The following RNF170 variants were observed in gnomAD, a reference collection of about 807,000 sequenced individuals.
RNF170 encodes ring finger protein 170.
RNF170 carries 12 observed loss-of-function variants against 32.7 expected under a neutral mutation model. That is an observed-to-expected ratio of 0.37 (90% CI 0.24 to 0.60). RNF170 has a LOEUF of 0.60. Among genes scored for constraint, RNF170 ranks in the 20% least tolerant of loss-of-function variants. The pLI is 0.72. For missense variants in RNF170, 212 were observed against 311.2 expected (o/e 0.68, Z 2.40); for synonymous variants, 91 against 103.6 (o/e 0.88, Z 0.74).
chr8:42,863,481 C>A (rs545577621), intron 5 of RNF170, among the ~76,000 whole-genome samples: 1 of 152,092 alleles, frequency 6.6e-6, no homozygotes, highest in South Asian at 2.1e-4. Flanking sequence ...CTCGCTCTGT[C>A]TCCAGGCTGG....
In RNF170 at chr8:42,855,743, G is replaced by C; in HGVS notation, c.*416C>G. ...TATTTTATTGGAACAAAAATATTTA[G>C]ATGAGTTTCACAGCTATATATTATC... On this transcript the variant is annotated 3_prime_UTR_variant, in exon 7 of 7. Coordinates refer to ENST00000527424, the MANE Select transcript of RNF170 (RefSeq NM_030954.4). 1 of 1,253,870 alleles carries C rather than the reference G, an allele frequency of 8.0e-7. No homozygotes were observed. Among genetic ancestry groups the C allele is most frequent in the Non-Finnish European group, 1.0e-6 (1 of 966,718 alleles). 77.7% of individuals were successfully genotyped at this position (1,253,870 alleles called of 1,614,324 possible). A position where few individuals can be genotyped will look rare whatever the true frequency, so the allele number is the denominator to read the frequency against.
chr8:42,890,857 T>TA (rs1333081458), intron 1 of RNF170, among the ~76,000 whole-genome samples: 2 of 151,910 alleles, frequency 1.3e-5, no homozygotes, highest in African/African-American at 2.4e-5. Context: ...AAAATTGGAG[T>TA]AAAAAAGCAA....
chr8:42,895,357 T>C (rs1048283466), intron 1 of RNF170, among the ~76,000 whole-genome samples: 10 of 152,090 alleles, frequency 6.6e-5, no homozygotes, highest in African/African-American at 2.2e-4. Flanking sequence ...CTTGGCAGTT[T>C]TCAGTGCTCA....
At chr8:42,868,664 C>T (rs2128933010) in intron 4 of RNF170, among the ~76,000 whole-genome samples, 1 of 152,074 alleles carries the variant, frequency 6.6e-6, no homozygotes, top group Non-Finnish European at 1.5e-5. Context: ...ACCAGTCTGG[C>T]CAACATGGTG....
At chr8:42,874,948 G>C (rs1167155075) in intron 2 of RNF170, among the ~76,000 whole-genome samples, 3 of 152,016 alleles carry the variant, frequency 2.0e-5, no homozygotes, top group Non-Finnish European at 4.4e-5. Flanking sequence ...GAGGCCGGTG[G>C]ATCACCTGAG....
At chr8:42,896,962 C>CT, upstream of RNF170, 1 of 421,856 alleles carries the variant, frequency 2.4e-6, no homozygotes, top group South Asian at 1.2e-4. Flanking sequence ...AGGAGGGGCG[C>CT]TGGGGGTGAC....
At chr8:42,891,579 TTC>T (rs1466626402) in intron 1 of RNF170, among the ~76,000 whole-genome samples, 2 of 152,176 alleles carry the variant, frequency 1.3e-5, no homozygotes, top group Non-Finnish European at 2.9e-5. Flanking sequence ...GATATTAAAA[TTC>T]TGTTAAATGT....
chr8:42,877,050 T>C (rs914777681), intron 2 of RNF170, among the ~76,000 whole-genome samples: 7 of 148,264 alleles, frequency 4.7e-5, no homozygotes, highest in Non-Finnish European at 1.0e-4. Flanking sequence ...GTCTCCCGGG[T>C]TCATGCCATT....
downstream of RNF170, among the ~76,000 whole-genome samples, chr8:42,853,135 CA>C (rs1414726750): frequency 6.6e-6 from 1 of 151,908 alleles, no homozygotes; most frequent in Non-Finnish European, 1.5e-5. Context: ...GACCAAAAAA[CA>C]AACACACAAA....
intron 2 of RNF170, among the ~76,000 whole-genome samples, chr8:42,876,954 CTTTT>C (rs761345107): frequency 3.2e-5 from 4 of 124,804 alleles, no homozygotes; most frequent in South Asian, 2.6e-4. Flanking sequence ...TGTGCCCGGA[CTTTT>C]TTTTTTTTTT....
intron 2 of RNF170, among the ~76,000 whole-genome samples, chr8:42,886,052 G>A (rs950391847): frequency 5.3e-5 from 8 of 151,876 alleles, no homozygotes; most frequent in Admixed American, 3.3e-4. Flanking sequence ...GTGAAACCCC[G>A]TCTCTACTAA....
upstream of RNF170, chr8:42,897,108 C>G: frequency 8.1e-7 from 1 of 1,240,894 alleles, no homozygotes; most frequent in South Asian, 4.1e-5. Context: ...AGGCGGTAGG[C>G]GCTGCCTGGC....
At chr8:42,867,497 C>T (rs1310303594) in intron 4 of RNF170, among the ~76,000 whole-genome samples, 2 of 135,128 alleles carry the variant, frequency 1.5e-5, no homozygotes, top group East Asian at 4.3e-4. Flanking sequence ...AAAAAAAGGC[C>T]GGGCGCGGTG....
At chr8:42,857,793 GGA>G (rs1803351093) in intron 6 of RNF170, among the ~76,000 whole-genome samples, 1 of 152,198 alleles carries the variant, frequency 6.6e-6, no homozygotes. Flanking sequence ...CAGCACTTTG[GGA>G]GGCCAAGGTG....
At chr8:42,853,241 C>G (rs533174331), downstream of RNF170, 24 of 812,148 alleles carry the variant, frequency 3.0e-5, no homozygotes, top group Admixed American at 8.7e-4. Flanking sequence ...ACTGAATGCT[C>G]TTTCAGGAGT....
intron 2 of RNF170, among the ~76,000 whole-genome samples, chr8:42,877,196 G>T (rs1805017977): frequency 6.6e-6 from 1 of 151,874 alleles, no homozygotes; most frequent in Non-Finnish European, 1.5e-5. Flanking sequence ...AAAGTGCTGG[G>T]ATTACAGGCG....
intron 2 of RNF170, among the ~76,000 whole-genome samples, chr8:42,875,213 G>A (rs554956411): frequency 5.5e-4 from 84 of 152,010 alleles, no homozygotes; most frequent in Admixed American, 1.2e-3. Flanking sequence ...AGGCTGGTAG[G>A]TGGGGTGGGG....
intron 5 of RNF170, among the ~76,000 whole-genome samples, chr8:42,863,980 A>AGTGTGAGTGT (rs1803881937): frequency 7.2e-6 from 1 of 139,512 alleles, no homozygotes; most frequent in Non-Finnish European, 1.5e-5. Context: ...AGAGAGAGAG[A>AGTGTGAGTGT]GTGTGTGTGT....
At chr8:42,864,247 C>T (rs1461638646) in intron 5 of RNF170, among the ~76,000 whole-genome samples, 2 of 151,912 alleles carry the variant, frequency 1.3e-5, no homozygotes, top group Non-Finnish European at 2.9e-5. Flanking sequence ...GTATACACCA[C>T]CACACCTGGC....
Sources: gnomAD v4.1 joint callset for allele counts (sites outside exome capture counted in the v4.1 genomes callset) on GRCh38, gnomAD v4.1.1 for gene constraint, MANE v1.5 for transcripts, NCBI Gene and HGNC (gene_info 2026-07-23, HGNC 2026-07-21) for gene names.